ACO2: variants seen among roughly 807,000 people sequenced by gnomAD.
The protein encoded by ACO2 is aconitate hydratase, mitochondrial.
A neutral mutation model predicts 84.5 loss-of-function variants in ACO2; 31 were observed. The ratio of observed to expected loss-of-function variants is 0.37; its 90% CI spans 0.28 to 0.50. The LOEUF (loss-of-function observed/expected upper bound fraction) is 0.50, where lower values mean the gene tolerates loss of function less well. Among genes scored for constraint, ACO2 ranks in the 20% least tolerant of loss-of-function variants. ACO2 has a pLI of 0.97. For synonymous variants in ACO2, 414 were observed against 412.7 expected (o/e 1.00, Z -0.04); for missense variants, 685 against 1,029.3 (o/e 0.67, Z 4.58).
At chr22:41,528,202 C>A in intron 17 of ACO2, 180 bp downstream of exon 17, 1 of 1,004,010 alleles carries the variant, frequency 1.0e-6, no homozygotes, top group Non-Finnish European at 1.4e-6. Context: ...GGGTTGGAGT[C>A]AACCCGGGGC....
At chr22:41,512,380 G>A (rs1308968449) in intron 4 of ACO2, 1 of 161,044 alleles carries the variant, frequency 6.2e-6, no homozygotes, top group African/African-American at 2.4e-5. Context: ...CAGGTACTAG[G>A]CTGAGCACTT....
intron 1 of ACO2, among the ~76,000 whole-genome samples, chr22:41,476,652 A>G (rs567332776): frequency 3.2e-4 from 49 of 152,092 alleles, no homozygotes; most frequent in Non-Finnish European, 4.9e-4. Flanking sequence ...AGAGCTTGCA[A>G]TGAGCCGAGA....
intron 8 of ACO2, 48 bp from the exon 9 acceptor site, chr22:41,520,123 G>T: frequency 6.5e-7 from 1 of 1,546,338 alleles, no homozygotes; most frequent in Non-Finnish European, 8.9e-7. Flanking sequence ...CCCGCTTCAA[G>T]GTTTCTTCCC....
intron 9 of ACO2, among the ~76,000 whole-genome samples, chr22:41,520,843 GAAAA>G (rs148408618): frequency 7.8e-6 from 1 of 127,998 alleles, no homozygotes; most frequent in African/African-American, 2.8e-5. Context: ...CTCCGTCTCA[GAAAA>G]AAAAAAAAAA....
intron 1 of ACO2, among the ~76,000 whole-genome samples, chr22:41,481,690 T>G (rs747654286): frequency 2.0e-5 from 3 of 152,216 alleles, no homozygotes; most frequent in Non-Finnish European, 4.4e-5. Flanking sequence ...CTGCCACAGC[T>G]CTGAACCCGT....
chr22:41,528,358 G>T, intron 17 of ACO2, 121 bp from the exon 18 acceptor site: 1 of 1,402,620 alleles, frequency 7.1e-7, no homozygotes, highest in South Asian at 1.4e-5. Flanking sequence ...ACTGGCCTAG[G>T]ATTTGGTTTG....
chr22:41,495,969 T>A (rs2146101961), intron 1 of ACO2, among the ~76,000 whole-genome samples: 1 of 152,112 alleles, frequency 6.6e-6, no homozygotes, highest in East Asian at 1.9e-4. Flanking sequence ...AGAAACAGGT[T>A]GGTAATTTCA....
chr22:41,516,073 G>A, intron 6 of ACO2, 156 bp downstream of exon 6: 4 of 922,300 alleles, frequency 4.3e-6, no homozygotes, highest in Non-Finnish European at 6.9e-6. Flanking sequence ...ATTGGAGACA[G>A]CATTAGAGAT....
intron 2 of ACO2, among the ~76,000 whole-genome samples, chr22:41,500,310 T>A (rs111897748): frequency 0.014 from 2,019 of 147,876 alleles, 45 homozygotes; most frequent in East Asian, 0.07. Flanking sequence ...AATTTTATTT[T>A]ATTTTATTTT....
intron 12 of ACO2, among the ~76,000 whole-genome samples, chr22:41,524,602 C>T (rs899980080): frequency 4.6e-5 from 7 of 152,254 alleles, no homozygotes; most frequent in Admixed American, 3.3e-4. Context: ...ACAGCACTGC[C>T]GGCCCGGCCC....
chr22:41,493,513 A>G (rs1230196504), intron 1 of ACO2, among the ~76,000 whole-genome samples: 1 of 152,234 alleles, frequency 6.6e-6, no homozygotes. Flanking sequence ...GAACTGGCAA[A>G]GACTGAAAGT....
At chr22:41,480,590 A>G (rs1255640219) in intron 1 of ACO2, among the ~76,000 whole-genome samples, 1 of 152,176 alleles carries the variant, frequency 6.6e-6, no homozygotes, top group Non-Finnish European at 1.5e-5. Flanking sequence ...TCATTCTCCC[A>G]GGCGAACTGA....
intron 1 of ACO2, among the ~76,000 whole-genome samples, chr22:41,482,946 G>T (rs2038105953): frequency 6.6e-6 from 1 of 152,200 alleles, no homozygotes; most frequent in Non-Finnish European, 1.5e-5. Flanking sequence ...TAAAATCTTA[G>T]AACTGACCAG....
chr22:41,469,318 G>A (rs1601870146), intron 1 of ACO2, 136 bp downstream of exon 1: 2 of 1,084,562 alleles, frequency 1.8e-6, no homozygotes, highest in South Asian at 1.7e-5. Context: ...TGTGGGCCCG[G>A]CACCCGTGCC....
Position 41,515,564 on chromosome 22 carries a change from C to T in ACO2, c.684+29C>T. On this transcript the variant is annotated intron_variant, in intron 5 of 17. Transcript: ENST00000216254. The surrounding 1 kb of genome is among the most constrained non-coding windows in gnomAD (Gnocchi z 5.8). ...AGGGTGGGGAGGGACTCATTCTGGG[C>T]TGGCTGTGGGGTGGTGGTTGGTGGG... 4.4e-6 allele frequency: 7 copies of T among 1,592,328 alleles called. No homozygotes were observed. Among genetic ancestry groups the T allele is most frequent in the Non-Finnish European group, 6.0e-6 (7 of 1,168,440 alleles).
intron 15 of ACO2, 99 bp downstream of exon 15, chr22:41,526,552 A>T: frequency 7.3e-7 from 1 of 1,363,696 alleles, no homozygotes; most frequent in Non-Finnish European, 9.9e-7. Context: ...ACTGGGAAGG[A>T]GGCCGACCAA....
intron 1 of ACO2, among the ~76,000 whole-genome samples, chr22:41,485,040 A>G (rs1164564295): frequency 6.6e-6 from 1 of 151,710 alleles, no homozygotes; most frequent in Non-Finnish European, 1.5e-5. Context: ...ACACTCTGCT[A>G]ATTTTTTTGT....
At position 41,524,980 on chromosome 22, in the gene ACO2, C is replaced by T. The variant is rs188696280; in HGVS notation, c.1605+12C>T. 382 of 1,614,132 alleles carry T rather than the reference C, an allele frequency of 2.4e-4. No individual in the cohort carries two copies. In the African/African-American group the frequency reaches 4.0e-3, roughly 17 times the overall value. ...AGCTTCCCAAAGGGGTGAGCGCCCA[C>T]GCCCCCTGCTTGCTGGTTGCTGTGT... On this transcript the variant is annotated intron_variant, in intron 13 of 17. Transcript: ENST00000216254.
At chr22:41,504,934 A>G (rs1220556935) in intron 2 of ACO2, among the ~76,000 whole-genome samples, 2 of 151,592 alleles carry the variant, frequency 1.3e-5, no homozygotes, top group African/African-American at 4.9e-5. Flanking sequence ...GGCTAGTCTC[A>G]AAACGCCTGG....
Sources: gnomAD v4.1 joint callset for allele counts (sites outside exome capture counted in the v4.1 genomes callset) on GRCh38, gnomAD v4.1.1 for gene constraint, Gnocchi (gnomAD v3.1) non-coding constraint, MANE v1.5 for transcripts, NCBI Gene and HGNC (gene_info 2026-07-23, HGNC 2026-07-21) for gene names.